Variants in FNDC1 observed in about 807,000 individuals in gnomAD.
The protein encoded by FNDC1 is fibronectin type III domain-containing protein 1.
In FNDC1, 96 loss-of-function variants were observed where a neutral mutation model predicts 168.0. The observed-to-expected ratio is 0.57, with a 90% CI of 0.48 to 0.68. The LOEUF (loss-of-function observed/expected upper bound fraction) is 0.68, where lower values mean the gene tolerates loss of function less well. Among genes scored for constraint, FNDC1 ranks in the 30% least tolerant of loss-of-function variants. The pLI is 0.00. For synonymous variants in FNDC1, 1,099 were observed against 1,025.9 expected (o/e 1.07, Z -1.36); for missense variants, 2,587 against 2,482.1 (o/e 1.04, Z -0.90).
chr6:159,269,278 A>G (rs1358017288), intron 22 of FNDC1, among the ~76,000 whole-genome samples: 1 of 87,714 alleles, frequency 1.1e-5, no homozygotes, highest in Non-Finnish European at 3.1e-5. Flanking sequence ...CTATCTATCT[A>G]TCTATCTATC....
intron 21 of FNDC1, among the ~76,000 whole-genome samples, chr6:159,266,933 G>A (rs432790): frequency 0.64 from 96,531 of 151,824 alleles, 32,168 homozygotes; most frequent in Middle Eastern, 0.75. Context: ...TTCCTAATGC[G>A]ATTTCTATTC....
At chr6:159,269,706 G>A (rs1417891930) in intron 22 of FNDC1, among the ~76,000 whole-genome samples, 1 of 152,240 alleles carries the variant, frequency 6.6e-6, no homozygotes, top group African/African-American at 2.4e-5. Flanking sequence ...TCCAAAATCT[G>A]CAGGGTAGGT....
intron 4 of FNDC1, among the ~76,000 whole-genome samples, chr6:159,211,692 T>G (rs549916596): frequency 6.6e-6 from 1 of 152,326 alleles, no homozygotes; most frequent in South Asian, 2.1e-4. Flanking sequence ...ATTTCATTTT[T>G]GTCAGGCCCA....
At chr6:159,170,371 A>G (rs556516828) in intron 1 of FNDC1, among the ~76,000 whole-genome samples, 6 of 152,330 alleles carry the variant, frequency 3.9e-5, no homozygotes, top group Admixed American at 6.5e-5. Context: ...CCCTTCCCCA[A>G]TGGCTGAGGC....
intron 21 of FNDC1, among the ~76,000 whole-genome samples, chr6:159,267,022 G>T (rs1024118182): frequency 6.6e-6 from 1 of 151,786 alleles, no homozygotes; most frequent in African/African-American, 2.4e-5. Context: ...ATTTTTCAGT[G>T]TATACATTGT....
chr6:159,186,441 T>A (rs947209801), intron 1 of FNDC1, among the ~76,000 whole-genome samples: 1 of 152,192 alleles, frequency 6.6e-6, no homozygotes, highest in African/African-American at 2.4e-5. Flanking sequence ...CATCGTGCAA[T>A]GGTGCAGGTG....
chr6:159,261,747 T>C (rs1777489481), intron 19 of FNDC1, among the ~76,000 whole-genome samples: 1 of 152,142 alleles, frequency 6.6e-6, no homozygotes. Flanking sequence ...ATAAGCAGTA[T>C]CATTCAGAGC....
chr6:159,250,750 T>A (rs1377523015), intron 16 of FNDC1, among the ~76,000 whole-genome samples: 1 of 152,118 alleles, frequency 6.6e-6, no homozygotes, highest in Non-Finnish European at 1.5e-5. Flanking sequence ...TTATACTGAG[T>A]AGTAATGTTG....
intron 1 of FNDC1, among the ~76,000 whole-genome samples, chr6:159,182,913 TA>T (rs1185162733): frequency 4.6e-5 from 7 of 152,158 alleles, no homozygotes; most frequent in Non-Finnish European, 1.0e-4. Context: ...AAATTCCAAT[TA>T]AAAGTATGTT....
chr6:159,194,121 C>G (rs567311438), intron 1 of FNDC1, among the ~76,000 whole-genome samples: 1 of 152,366 alleles, frequency 6.6e-6, no homozygotes, highest in South Asian at 2.1e-4. Flanking sequence ...CACTCAAAGA[C>G]AGTCTTGAAT....
At chr6:159,266,518 G>A (rs542558636) in intron 21 of FNDC1, among the ~76,000 whole-genome samples, 1 of 152,262 alleles carries the variant, frequency 6.6e-6, no homozygotes, top group East Asian at 1.9e-4. Context: ...GCCGAGGTGG[G>A]TGGATTACTT....
At position 159,232,395 on chromosome 6, in the gene FNDC1, G is replaced by T. The variant is rs1347712896; in HGVS notation, c.1883G>T (p.Gly628Val). ...ASPAHHASTQ[G>V]TSHRPSLPAS... is the part of the protein sequence containing the mutation. ...CCTGCCCACCACGCGTCCACCCAGGGCACCTCTCATCGTCCTTCCCTGCCT... is the reference window on the plus strand; with the variant it reads ...CCTGCCCACCACGCGTCCACCCAGGTCACCTCTCATCGTCCTTCCCTGCCT... Residue 628 changes from glycine to valine, a missense_variant, in exon 11 of 23, where the codon GGC becomes GTC. Coordinates refer to ENST00000297267, the MANE Select transcript of FNDC1 (RefSeq NM_032532.3). The surrounding 1 kb of genome is among the most constrained non-coding windows in gnomAD (Gnocchi z 4.9). The T allele has an allele frequency of 1.2e-6, 2 of 1,613,018 alleles. No homozygotes were observed. Among genetic ancestry groups the T allele is most frequent in the Non-Finnish European group, 1.7e-6 (2 of 1,179,410 alleles).
intron 14 of FNDC1, among the ~76,000 whole-genome samples, chr6:159,244,963 G>A (rs957735225): frequency 1.3e-5 from 2 of 152,198 alleles, no homozygotes; most frequent in Admixed American, 1.3e-4. Context: ...GTTCTAAATG[G>A]CTGGGGAGAC....
intron 1 of FNDC1, among the ~76,000 whole-genome samples, chr6:159,171,944 G>T (rs1389227845): frequency 1.3e-5 from 2 of 152,110 alleles, no homozygotes; most frequent in Non-Finnish European, 2.9e-5. Flanking sequence ...GTTGACATTT[G>T]CACTGAGGGT....
chr6:159,174,391 C>A (rs1781721712), intron 1 of FNDC1, among the ~76,000 whole-genome samples: 3 of 152,270 alleles, frequency 2.0e-5, no homozygotes, highest in East Asian at 3.8e-4. Context: ...TATGAAAAAC[C>A]TGCGTCTTCC....
In FNDC1 at chr6:159,271,459, C is replaced by T; in HGVS notation, c.*17C>T. ...AAGTGGTAATCACAGGACCGTCATG[C>T]TGCAAGCTTGCCCTGCCCAGCCCCA... On this transcript the variant is annotated 3_prime_UTR_variant, in exon 23 of 23. Transcript: ENST00000297267. 2 of 1,577,236 alleles carry T rather than the reference C, an allele frequency of 1.3e-6. No homozygotes were observed. Among genetic ancestry groups the T allele is most frequent in the Non-Finnish European group, 1.7e-6 (2 of 1,155,188 alleles).
intron 5 of FNDC1, among the ~76,000 whole-genome samples, chr6:159,218,090 G>A (rs1332502003): frequency 1.3e-5 from 2 of 152,204 alleles, no homozygotes; most frequent in Admixed American, 6.5e-5. Flanking sequence ...TTGTTTCAAC[G>A]GACAGCTTGC....
At chr6:159,217,033 C>T (rs192250168) in intron 5 of FNDC1, among the ~76,000 whole-genome samples, 8 of 152,138 alleles carry the variant, frequency 5.3e-5, no homozygotes, top group Non-Finnish European at 8.8e-5. Flanking sequence ...GAGGTGGGAG[C>T]GGTGGGGAAG....
chr6:159,267,964 G>T, intron 22 of FNDC1, 38 bp downstream of exon 22: 1 of 1,587,238 alleles, frequency 6.3e-7, no homozygotes. Context: ...ATCCTAGGAG[G>T]TGGGAGACAA....
Sources: gnomAD v4.1 joint callset for allele counts (sites outside exome capture counted in the v4.1 genomes callset) on GRCh38, gnomAD v4.1.1 for gene constraint, Gnocchi (gnomAD v3.1) non-coding constraint, MANE v1.5 for transcripts, NCBI Gene and HGNC (gene_info 2026-07-23, HGNC 2026-07-21) for gene names.